The following MAP4K3 variants were observed in gnomAD, a reference collection of about 807,000 sequenced individuals.
MAP4K3 encodes MAPK/ERK kinase kinase kinase 3.
MAP4K3 carries 94 observed loss-of-function variants against 143.5 expected under a neutral mutation model. That is an observed-to-expected ratio of 0.65 (90% CI 0.55 to 0.78). MAP4K3 has a LOEUF of 0.78. Ranked by LOEUF, MAP4K3 falls within the 30% of genes least tolerant of loss-of-function variation. MAP4K3 has a pLI of 0.00. For missense variants in MAP4K3, 1,077 were observed against 1,068.1 expected (o/e 1.01, Z -0.12); for synonymous variants, 416 against 347.2 (o/e 1.20, Z -2.20).
chr2:39,426,656 T>A (rs1162616031), intron 1 of MAP4K3, among the ~76,000 whole-genome samples: 1 of 152,100 alleles, frequency 6.6e-6, no homozygotes, highest in Non-Finnish European at 1.5e-5. Flanking sequence ...ATGAGAGTTA[T>A]TTTATTTTTA....
intron 16 of MAP4K3, among the ~76,000 whole-genome samples, chr2:39,296,921 T>C (rs1682305277): frequency 1.3e-5 from 2 of 152,178 alleles, no homozygotes; most frequent in South Asian, 2.1e-4. Context: ...TCCATTTTAC[T>C]AGCAATAATA....
At chr2:39,345,691 G>C (rs1665268553) in intron 3 of MAP4K3, among the ~76,000 whole-genome samples, 1 of 151,936 alleles carries the variant, frequency 6.6e-6, no homozygotes, top group South Asian at 2.1e-4. Flanking sequence ...AGGCCGAGGC[G>C]GGCGGATCAC....
In MAP4K3 at chr2:39,280,315, C is replaced by T; in HGVS notation, c.1671G>A (p.Leu557=). 6.2e-7 allele frequency: 1 copy of T among 1,604,566 alleles called. No individual in the cohort carries two copies. The highest frequency in any genetic ancestry group is 8.5e-7 in the Non-Finnish European group (1 of 1,174,220). The part of the protein sequence containing the change: ...CFSKVFNGCP[L]KIHCASSWIN... Reference sequence around the variant, plus strand: ...TCCATGATGATGCACAGTGAATTTTCAAGGGACACCCATTAAAAACTTTTG... The same window carrying T: ...TCCATGATGATGCACAGTGAATTTTTAAGGGACACCCATTAAAAACTTTTG... The change falls in exon 23 of 34, where the codon TTG becomes TTA. Residue 557 remains leucine (L), a synonymous_variant. Coordinates refer to ENST00000263881, the MANE Select transcript of MAP4K3 (RefSeq NM_003618.4).
intron 1 of MAP4K3, among the ~76,000 whole-genome samples, chr2:39,416,933 T>C (rs1667397882): frequency 6.6e-6 from 1 of 152,186 alleles, no homozygotes; most frequent in Non-Finnish European, 1.5e-5. Flanking sequence ...CCCTCTATTT[T>C]CATTTGTAAA....
At chr2:39,354,909 T>G (rs996761616) in intron 3 of MAP4K3, among the ~76,000 whole-genome samples, 1 of 152,214 alleles carries the variant, frequency 6.6e-6, no homozygotes, top group South Asian at 2.1e-4. Flanking sequence ...GTATGTTGGA[T>G]GTTGCTAAAG....
intron 21 of MAP4K3, among the ~76,000 whole-genome samples, chr2:39,285,720 G>A (rs974996953): frequency 1.7e-4 from 26 of 152,020 alleles, no homozygotes; most frequent in African/African-American, 6.0e-4. Context: ...CAAACATACC[G>A]AATATACTAG....
intron 1 of MAP4K3, among the ~76,000 whole-genome samples, chr2:39,433,951 G>A (rs963449462): frequency 2.0e-5 from 3 of 152,212 alleles, no homozygotes; most frequent in Non-Finnish European, 4.4e-5. Context: ...CAACAAAACA[G>A]CTCTGAGAGG....
Position 39,249,874 on chromosome 2 carries a change from T to C in MAP4K3, c.*744A>G, listed in dbSNP as rs1680082831. The stretch of plus-strand genomic sequence containing the variant: ...AAAGACAAGCAATCTTACAGGATTC[T>C]GCTTAAATATAAAAAGACCAGTTAC... On this transcript the variant is annotated 3_prime_UTR_variant, in exon 34 of 34. Coordinates refer to ENST00000263881, the MANE Select transcript of MAP4K3 (RefSeq NM_003618.4). 1 of 152,502 alleles carries C rather than the reference T, an allele frequency of 6.6e-6. No homozygotes were observed. The highest frequency in any genetic ancestry group is 1.5e-5 in the Non-Finnish European group (1 of 68,030). 9.4% of individuals were successfully genotyped at this position (152,502 alleles called of 1,614,324 possible). A position where few individuals can be genotyped will look rare whatever the true frequency, so the allele number is the denominator to read the frequency against.
intron 28 of MAP4K3, 59 bp downstream of exon 28, chr2:39,265,144 A>G (rs1680717147): frequency 5.4e-6 from 6 of 1,103,088 alleles, no homozygotes; most frequent in Non-Finnish European, 8.1e-6. Flanking sequence ...TTCTTTAAAG[A>G]ACAGTAAGGT....
chr2:39,312,608 A>G (rs546018052), intron 13 of MAP4K3, among the ~76,000 whole-genome samples: 129 of 152,342 alleles, frequency 8.5e-4, no homozygotes, highest in Middle Eastern at 3.4e-3. Context: ...TAATATCTCC[A>G]GTTATGTCTG....
At chr2:39,298,892 G>A (rs978166716) in intron 16 of MAP4K3, among the ~76,000 whole-genome samples, 21 of 151,318 alleles carry the variant, frequency 1.4e-4, no homozygotes, top group African/African-American at 4.6e-4. Flanking sequence ...TTGAACCCGG[G>A]AGGCGGAGGT....
chr2:39,311,703 T>C (rs1348464349), intron 13 of MAP4K3, among the ~76,000 whole-genome samples: 1 of 152,204 alleles, frequency 6.6e-6, no homozygotes, highest in Admixed American at 6.5e-5. Flanking sequence ...AGCTTGGAAG[T>C]AAATCTTCCA....
chr2:39,280,060 T>A (rs1205272309), intron 23 of MAP4K3, among the ~76,000 whole-genome samples: 1 of 152,178 alleles, frequency 6.6e-6, no homozygotes, highest in Admixed American at 6.5e-5. Context: ...TATACTGATA[T>A]GGTAACTATA....
chr2:39,276,812 T>C (rs1267661797), intron 24 of MAP4K3, among the ~76,000 whole-genome samples: 4 of 152,214 alleles, frequency 2.6e-5, no homozygotes, highest in African/African-American at 7.2e-5. Flanking sequence ...CCACTCATTG[T>C]GACACTCAAA....
intron 1 of MAP4K3, among the ~76,000 whole-genome samples, chr2:39,402,447 TATC>T (rs1416038378): frequency 6.6e-6 from 1 of 152,070 alleles, no homozygotes; most frequent in Non-Finnish European, 1.5e-5. Context: ...CATTAAGACA[TATC>T]ATAATCAAAT....
intron 7 of MAP4K3, 38 bp downstream of exon 7, chr2:39,333,494 A>C (rs762024919): frequency 2.6e-6 from 4 of 1,511,366 alleles, no homozygotes; most frequent in Non-Finnish European, 3.7e-6. Context: ...ATATCTTAGA[A>C]TAGATTTGTG....
chr2:39,379,541 G>C (rs1387407864), intron 1 of MAP4K3, among the ~76,000 whole-genome samples: 1 of 152,044 alleles, frequency 6.6e-6, no homozygotes, highest in Non-Finnish European at 1.5e-5. Flanking sequence ...AATAAAACCA[G>C]AATATCATTC....
chr2:39,370,572 T>A (rs1031914550), intron 2 of MAP4K3, among the ~76,000 whole-genome samples: 1 of 152,190 alleles, frequency 6.6e-6, no homozygotes, highest in Admixed American at 6.5e-5. Context: ...GAAAAAATAG[T>A]GGAATAAGGT....
Position 39,304,148 on chromosome 2 carries a change from A to ATT in MAP4K3, c.1119+3793_1119+3794dup, listed in dbSNP as rs58878976. Among the ~76,000 whole-genome samples, 637 of 143,954 alleles carry ATT rather than the reference A, an allele frequency of 4.4e-3. 6 individuals carry two copies. Among genetic ancestry groups the ATT allele is most frequent in the African/African-American group, 0.015 (582 of 39,556 alleles). The allele number at this position is 143,954 out of a possible 152,430, so 94.4% of individuals were successfully genotyped here. Reference sequence around the variant, plus strand: ...TCTGGCTTCATATATTAATTATCTGATTTTTTTTTTTTTTTTGAGAGAGCA... The same window carrying ATT: ...TCTGGCTTCATATATTAATTATCTGATTTTTTTTTTTTTTTTTTGAGAGAGCA... On this transcript the variant is annotated intron_variant, in intron 15 of 33. Transcript: ENST00000263881.
Sources: gnomAD v4.1 joint callset for allele counts (sites outside exome capture counted in the v4.1 genomes callset) on GRCh38, gnomAD v4.1.1 for gene constraint, MANE v1.5 for transcripts, NCBI Gene and HGNC (gene_info 2026-07-23, HGNC 2026-07-21) for gene names.